The following MTFMT variants were observed in gnomAD, a reference collection of about 807,000 sequenced individuals.
The protein encoded by MTFMT is methionyl-tRNA formyltransferase, mitochondrial.
Under a neutral mutation model 51.8 loss-of-function variants are expected in MTFMT, and 47 were observed. The observed-to-expected ratio is 0.91, with a 90% CI of 0.72 to 1.16. MTFMT has a LOEUF of 1.16. MTFMT is among the 50% of genes most tolerant of loss of function. MTFMT has a pLI of 0.00. For missense variants in MTFMT, 512 were observed against 482.3 expected (o/e 1.06, Z -0.58); for synonymous variants, 196 against 176.7 (o/e 1.11, Z -0.87).
At chr15:65,028,285 G>GCACCAC (rs1219791431) in intron 1 of MTFMT, among the ~76,000 whole-genome samples, 1 of 152,200 alleles carries the variant, frequency 6.6e-6, no homozygotes, top group Non-Finnish European at 1.5e-5. Context: ...GCGTGGTGGT[G>GCACCAC]CACGCCCGTA....
intron 2 of MTFMT, among the ~76,000 whole-genome samples, chr15:65,025,263 G>A (rs1430536444): frequency 6.6e-6 from 1 of 151,460 alleles, no homozygotes; most frequent in Non-Finnish European, 1.5e-5. Context: ...GAGTTAGCTG[G>A]GTGTGTTGGC....
intron 5 of MTFMT, among the ~76,000 whole-genome samples, chr15:65,017,587 T>G (rs909200112): frequency 6.6e-6 from 1 of 152,172 alleles, no homozygotes; most frequent in African/African-American, 2.4e-5. Flanking sequence ...GGCTTGAGTC[T>G]AGGAGTTCAA....
chr15:65,029,464 C>A lies in MTFMT; in HGVS notation c.150G>T (p.Val50=). 6.5e-7 allele frequency: 1 copy of A among 1,532,004 alleles called. No homozygotes were observed. The highest frequency in any genetic ancestry group is 8.8e-7 in the Non-Finnish European group (1 of 1,141,608). The allele number at this position is 1,532,004 out of a possible 1,614,324, so 94.9% of individuals were successfully genotyped here. A position where few individuals can be genotyped will look rare whatever the true frequency, so the allele number is the denominator to read the frequency against. Residue 50 remains valine, a synonymous_variant, in exon 1 of 9, where the codon GTG becomes GTT. Transcript: ENST00000220058. The part of the protein sequence containing the change: ...SRVREKPPWR[V]LFFGTDQFAR... ...CGAACTGGTCCGTGCCGAAGAAGAGCACCCGCCAGGGAGGCTTCTCGCGGA... is the reference window on the plus strand; with the variant it reads ...CGAACTGGTCCGTGCCGAAGAAGAGAACCCGCCAGGGAGGCTTCTCGCGGA...
intron 2 of MTFMT, chr15:65,026,195 G>A (rs565394737): frequency 2.5e-3 from 393 of 156,660 alleles, no homozygotes; most frequent in Non-Finnish European, 2.9e-3. Flanking sequence ...TCTACCTGAA[G>A]AGGGATCAGC....
intron 7 of MTFMT, 117 bp from the exon 8 acceptor site, chr15:65,005,053 C>T (rs367847221): frequency 1.9e-5 from 13 of 685,918 alleles, no homozygotes; most frequent in East Asian, 1.7e-4. Flanking sequence ...GGAGAGAACA[C>T]ATTTGCTGAT....
In MTFMT at chr15:65,027,033, T is replaced by C; in HGVS notation, c.217A>G (p.Lys73Glu). ...LRALHAAREN[K>E]EEELIDKLEV... ...AGTTTGTCGATTAACTCTTCTTCTT[T>C]GTTTTCCCTAAATTAGATAGGAAGA... is the stretch of plus-strand genomic sequence containing the variant. Residue 73 changes from lysine to glutamate, a missense_variant, in exon 2 of 9, where the codon AAA (lysine) becomes GAA (glutamate). Coordinates refer to ENST00000220058, the MANE Select transcript of MTFMT (RefSeq NM_139242.4). The C allele has an allele frequency of 6.2e-7, 1 of 1,612,950 alleles. No homozygotes were observed. The highest frequency in any genetic ancestry group is 8.5e-7 in the Non-Finnish European group (1 of 1,179,284).
intron 6 of MTFMT, among the ~76,000 whole-genome samples, chr15:65,013,904 T>C (rs1388577527): frequency 1.3e-5 from 2 of 151,760 alleles, no homozygotes; most frequent in Non-Finnish European, 1.5e-5. Flanking sequence ...AACTGCACAG[T>C]TGCGCTCCAG....
chr15:65,023,105 T>C (rs189790224), intron 3 of MTFMT, among the ~76,000 whole-genome samples: 1 of 152,190 alleles, frequency 6.6e-6, no homozygotes, highest in Admixed American at 6.5e-5. Context: ...ACTTGTGAAT[T>C]ATTCTTTTCT....
Position 65,029,531 on chromosome 15 carries a change from G to C in MTFMT, c.83C>G (p.Ala28Gly). 6.6e-7 allele frequency: 1 copy of C among 1,525,982 alleles called. No homozygotes were observed. Among genetic ancestry groups the C allele is most frequent in the Non-Finnish European group, 8.8e-7 (1 of 1,138,824 alleles). 94.5% of individuals were successfully genotyped at this position (1,525,982 alleles called of 1,614,324 possible). A position where few individuals can be genotyped will look rare whatever the true frequency, so the allele number is the denominator to read the frequency against. Residue 28 changes from alanine (A) to glycine (G), a missense_variant, in exon 1 of 9, where the codon GCA (alanine) becomes GGA (glycine). Physicochemically the swap from Ala to Gly is moderately conservative, Grantham distance 60. Coordinates refer to ENST00000220058, the MANE Select transcript of MTFMT (RefSeq NM_139242.4). ...RRGRPSPQWR[A>G]LARLGWEDCR... ...GTCCTCCCAGCCGAGTCGGGCCAGT[G>C]CTCGCCACTGGGGACTCGGCCTCCC...
At position 65,020,288 on chromosome 15, in the gene MTFMT, AAAG is replaced by A. The variant is rs773648807; in HGVS notation, c.646-19_646-17del. Reference sequence around the variant, plus strand: ...CTGAAATGAGCTACAAAAAAAAAAAAAAGAGTGTGATATATTCAAAATGAAGGG... The same window carrying A: ...CTGAAATGAGCTACAAAAAAAAAAAAAGTGTGATATATTCAAAATGAAGGG... On this transcript the variant is annotated splice_polypyrimidine_tract_variant and intron_variant, in intron 4 of 8. Transcript: ENST00000220058. 3.7e-6 allele frequency: 6 copies of A among 1,605,254 alleles called. No individual in the cohort carries two copies. The highest frequency in any genetic ancestry group is 5.1e-6 in the Non-Finnish European group (6 of 1,174,594).
chr15:65,021,366 G>T, intron 4 of MTFMT, 148 bp downstream of exon 4: 1 of 619,518 alleles, frequency 1.6e-6, no homozygotes, highest in Non-Finnish European at 2.9e-6. Flanking sequence ...GATCACAAAT[G>T]CCAGGCTAAT....
At position 65,016,462 on chromosome 15, in the gene MTFMT, T is replaced by G. The variant is rs1332674297; in HGVS notation, c.787A>C (p.Arg263=). ...WEEQTSEQIF[R]LYRAIGNIIP... ...ATATTTCCAATGGCACGGTAAAGTC[T>G]GAATATTTGTTCTGAAGTTTGTTCC... The change falls in exon 6 of 9, where the codon AGA becomes CGA. Residue 263 remains arginine (R), a synonymous_variant. Coordinates refer to ENST00000220058, the MANE Select transcript of MTFMT (RefSeq NM_139242.4). 6.2e-7 allele frequency: 1 copy of G among 1,611,668 alleles called. No homozygotes were observed. Among genetic ancestry groups the G allele is most frequent in the Non-Finnish European group, 8.5e-7 (1 of 1,178,448 alleles).
intron 2 of MTFMT, among the ~76,000 whole-genome samples, chr15:65,025,839 T>C (rs1595893265): frequency 6.6e-6 from 1 of 152,142 alleles, no homozygotes; most frequent in Non-Finnish European, 1.5e-5. Flanking sequence ...TGTCAGCATA[T>C]ATATGGAATT....
Position 65,003,074 on chromosome 15 carries a change from T to A in MTFMT, c.1158A>T (p.Gln386His). The A allele has an allele frequency of 6.3e-7, 1 of 1,594,404 alleles. No homozygotes were observed. ...KKQKKTVAMQQCIE is the reference protein window; with the variant it reads ...KKQKKTVAMQHCIE ...ATCTTCTTCCTAACTACTCAATGCA[T>A]TGTTGCATAGCAACAGTTTTTTTCT... Residue 386 changes from glutamine to histidine, a missense_variant, in exon 9 of 9, where the codon CAA becomes CAT. Transcript: ENST00000220058.
At position 65,023,744 on chromosome 15, in the gene MTFMT, G is replaced by A; in HGVS notation, c.470C>T (p.Ala157Val). ...GTGAAGCACTGTATGGATTACAGGG[G>A]CTGGGCCACGCCATCTCGGGAGGCA... Reference protein sequence around the residue: ...PSCLPRWRGPAPVIHTVLHGD... With the variant: ...PSCLPRWRGPVPVIHTVLHGD... Residue 157 changes from alanine to valine, a missense_variant, in exon 3 of 9, where the codon GCC becomes GTC. Coordinates refer to ENST00000220058, the MANE Select transcript of MTFMT (RefSeq NM_139242.4). 1.2e-6 allele frequency: 2 copies of A among 1,613,258 alleles called. No homozygotes were observed. Among genetic ancestry groups the A allele is most frequent in the Non-Finnish European group, 1.7e-6 (2 of 1,179,398 alleles).
intron 5 of MTFMT, among the ~76,000 whole-genome samples, chr15:65,018,416 T>TA (rs1312777058): frequency 2.0e-5 from 3 of 152,102 alleles, no homozygotes; most frequent in African/African-American, 7.2e-5. Context: ...GGTTAATATT[T>TA]AAAAAAAGAT....
At chr15:65,026,770 A>G in intron 2 of MTFMT, 61 bp downstream of exon 2, 1 of 1,264,432 alleles carries the variant, frequency 7.9e-7, no homozygotes, top group Non-Finnish European at 1.1e-6. Flanking sequence ...CATTTTATAT[A>G]CAAGGTCCAT....
chr15:65,029,372 G>C, intron 1 of MTFMT, 33 bp downstream of exon 1: 2 of 1,425,552 alleles, frequency 1.4e-6, no homozygotes, highest in Non-Finnish European at 1.8e-6. Context: ...GAGGCCTTCA[G>C]CGGCCGGGTC....
At chr15:65,011,541 G>T (rs2086267232) in intron 6 of MTFMT, among the ~76,000 whole-genome samples, 1 of 131,490 alleles carries the variant, frequency 7.6e-6, no homozygotes, top group Non-Finnish European at 1.5e-5. Flanking sequence ...TGTCACCCAG[G>T]ATGAAACACA....
Sources: gnomAD v4.1 joint callset for allele counts (sites outside exome capture counted in the v4.1 genomes callset) on GRCh38, gnomAD v4.1.1 for gene constraint, MANE v1.5 for transcripts, NCBI Gene and HGNC (gene_info 2026-07-23, HGNC 2026-07-21) for gene names.